PPP2R5A: variants seen among roughly 807,000 people sequenced by gnomAD.
PPP2R5A encodes the protein serine/threonine-protein phosphatase 2A 56 kDa regulatory subunit alpha isoform.
A neutral mutation model predicts 64.2 loss-of-function variants in PPP2R5A; 25 were observed. The observed-to-expected ratio is 0.39, with a 90% CI of 0.28 to 0.54. PPP2R5A has a LOEUF of 0.54. Among genes scored for constraint, PPP2R5A ranks in the 20% least tolerant of loss-of-function variants. The probability of loss-of-function intolerance (pLI) is 0.67; values close to 1 mark genes in which losing one functional copy is unlikely to be tolerated. For missense variants in PPP2R5A, 425 were observed against 576.3 expected (o/e 0.74, Z 2.69); for synonymous variants, 198 against 201.2 (o/e 0.98, Z 0.13).
intron 1 of PPP2R5A, chr1:212,313,783 G>A (rs531304265): frequency 6.6e-6 from 1 of 151,304 alleles, no homozygotes; most frequent in Non-Finnish European, 1.5e-5. Context: ...GTGAATTCCT[G>A]CACAACACCA....
chr1:212,344,930 G>C (rs909143279), intron 4 of PPP2R5A, among the ~76,000 whole-genome samples: 1 of 152,070 alleles, frequency 6.6e-6, no homozygotes, highest in South Asian at 2.1e-4. Context: ...TTGGGACACC[G>C]AGGAGGGTGG....
At chr1:212,315,608 G>A (rs1659136083) in intron 1 of PPP2R5A, among the ~76,000 whole-genome samples, 2 of 152,120 alleles carry the variant, frequency 1.3e-5, no homozygotes, top group African/African-American at 4.8e-5. Context: ...TATTGAATGA[G>A]TCATTGAAAT....
chr1:212,348,318 C>A (rs559950881), intron 6 of PPP2R5A, 71 bp from the exon 7 acceptor site: 1 of 933,378 alleles, frequency 1.1e-6, no homozygotes, highest in South Asian at 1.3e-5. Context: ...CTTATGTACT[C>A]ATGGATATGA....
At chr1:212,319,613 C>CTTTTTTTTTTTTTT (rs200765692) in intron 1 of PPP2R5A, 1 of 110,724 alleles carries the variant, frequency 9.0e-6, no homozygotes, top group African/African-American at 3.7e-5. Context: ...TTTTTGTTTT[C>CTTTTTTTTTTTTTT]TTTTCTTTTT....
chr1:212,341,708 A>C (rs1659688175), intron 3 of PPP2R5A, among the ~76,000 whole-genome samples: 1 of 152,080 alleles, frequency 6.6e-6, no homozygotes, highest in Non-Finnish European at 1.5e-5. Flanking sequence ...CAAATGGTGA[A>C]TATATAGTTT....
intron 12 of PPP2R5A, among the ~76,000 whole-genome samples, chr1:212,359,413 G>C (rs1258496416): frequency 6.6e-6 from 1 of 152,156 alleles, no homozygotes; most frequent in East Asian, 1.9e-4. Context: ...ATGTATTTTA[G>C]AGTATAAATG....
intron 1 of PPP2R5A, among the ~76,000 whole-genome samples, chr1:212,291,361 C>T (rs939945468): frequency 6.6e-6 from 1 of 152,068 alleles, no homozygotes; most frequent in Non-Finnish European, 1.5e-5. Context: ...GGATTACAGG[C>T]GTGAGCCACT....
intron 1 of PPP2R5A, among the ~76,000 whole-genome samples, chr1:212,295,623 C>G (rs1658679341): frequency 6.6e-6 from 1 of 152,008 alleles, no homozygotes; most frequent in Non-Finnish European, 1.5e-5. Flanking sequence ...CAACCAAGAG[C>G]CAAGAGAGAC....
chr1:212,322,253 G>GGGA, intron 1 of PPP2R5A, among the ~76,000 whole-genome samples: 1 of 114,124 alleles, frequency 8.8e-6, no homozygotes, highest in African/African-American at 3.9e-5. Flanking sequence ...AGGAGGGAGA[G>GGGA]GGAGAGGGAG....
rs568221834 is a variant in PPP2R5A at position 212,320,674 on chromosome 1, C to T, written c.182-8461C>T. The stretch of plus-strand genomic sequence containing the variant: ...CTCCCTCCCGGATGGGGCGGCTGGC[C>T]GGGCGGGGGGCTGACCCCCCCACCT... On this transcript the variant is annotated intron_variant, in intron 1 of 12. Coordinates refer to ENST00000261461, the MANE Select transcript of PPP2R5A (RefSeq NM_006243.4). Among the ~76,000 whole-genome samples the T allele has an allele frequency of 7.9e-3, 981 of 123,656 alleles. 13 individuals carry two copies. Among genetic ancestry groups the T allele is most frequent in the Non-Finnish European group, 0.011 (592 of 54,506 alleles). 81.1% of individuals were successfully genotyped at this position (123,656 alleles called of 152,430 possible).
intron 2 of PPP2R5A, 66 bp from the exon 3 acceptor site, chr1:212,333,431 T>C (rs1659540954): frequency 9.6e-7 from 1 of 1,038,262 alleles, no homozygotes. Context: ...TTAAAATACT[T>C]CGTTTTGAAT....
At chr1:212,321,070 C>T (rs1164605174) in intron 1 of PPP2R5A, among the ~76,000 whole-genome samples, 6 of 101,646 alleles carry the variant, frequency 5.9e-5, no homozygotes, top group Admixed American at 3.5e-4. Context: ...GGGGGGCTGA[C>T]CCCCCCGCCT....
intron 1 of PPP2R5A, among the ~76,000 whole-genome samples, chr1:212,288,561 A>C (rs988169196): frequency 6.6e-6 from 1 of 152,188 alleles, no homozygotes; most frequent in African/African-American, 2.4e-5. Context: ...CCTTACTTGG[A>C]TTACAAACTA....
intron 3 of PPP2R5A, among the ~76,000 whole-genome samples, chr1:212,341,770 T>C (rs149386109): frequency 1.7e-4 from 26 of 152,306 alleles, no homozygotes; most frequent in African/African-American, 6.3e-4. Context: ...AGTCTCACTC[T>C]GTTGCCCAGG....
Position 212,342,257 on chromosome 1 carries a change from A to G in PPP2R5A, c.550A>G (p.Ile184Val), listed in dbSNP as rs369698862. The G allele has an allele frequency of 6.2e-7, 1 of 1,613,338 alleles. No homozygotes were observed. Among genetic ancestry groups the G allele is most frequent in the African/African-American group, 1.3e-5 (1 of 74,894 alleles). Reference protein sequence around the residue: ...DFQPSIAKRYIDQKFVQQLLE... With the variant: ...DFQPSIAKRYVDQKFVQQLLE... ...CCAGCCTAGCATTGCAAAACGATAC[A>G]TTGATCAGAAATTCGTACAACAGGT... is the stretch of plus-strand genomic sequence containing the variant. Residue 184 changes from isoleucine to valine, a missense_variant, in exon 4 of 13, where the codon ATT becomes GTT. This residue lies in a region of PPP2R5A where 140 missense variants were observed against 204.4 expected (regional missense o/e 0.68). Coordinates refer to ENST00000261461, the MANE Select transcript of PPP2R5A (RefSeq NM_006243.4).
intron 5 of PPP2R5A, 44 bp from the exon 6 acceptor site, chr1:212,347,303 T>G: frequency 7.2e-7 from 1 of 1,389,486 alleles, no homozygotes; most frequent in Non-Finnish European, 1.0e-6. Context: ...CTTAGTTTTC[T>G]GAAGTTTGAT....
chr1:212,333,719 C>CATTATCTTCTTTCAT (rs1659546557), intron 3 of PPP2R5A, 121 bp downstream of exon 3: 3 of 519,496 alleles, frequency 5.8e-6, no homozygotes, highest in Non-Finnish European at 9.9e-6. Flanking sequence ...GTTTTATTAA[C>CATTATCTTCTTTCAT]ATTATCTTCT....
At chr1:212,354,787 G>A (rs906142010) in intron 8 of PPP2R5A, among the ~76,000 whole-genome samples, 1 of 152,074 alleles carries the variant, frequency 6.6e-6, no homozygotes, top group Non-Finnish European at 1.5e-5. Flanking sequence ...GATCCCATAA[G>A]ATTATAATGC....
At chr1:212,357,385 G>T in intron 11 of PPP2R5A, 101 bp downstream of exon 11, 1 of 1,136,612 alleles carries the variant, frequency 8.8e-7, no homozygotes. Context: ...TACAGATTTG[G>T]AAGTTACTCC....
Sources: allele counts gnomAD v4.1 joint callset (sites outside exome capture counted in the v4.1 genomes callset), GRCh38; gene constraint gnomAD v4.1.1; regional missense constraint gnomAD v4.1.1; transcripts MANE v1.5; gene names NCBI Gene and HGNC (gene_info 2026-07-23, HGNC 2026-07-21).